KCNIP1: variants seen among roughly 807,000 people sequenced by gnomAD.
KCNIP1 encodes A-type potassium channel modulatory protein KCNIP1.
A neutral mutation model predicts 33.0 loss-of-function variants in KCNIP1; 18 were observed. That is an observed-to-expected ratio of 0.55 (90% confidence interval 0.38 to 0.81). The LOEUF is 0.81. Ranked by LOEUF, KCNIP1 falls within the 30% of genes least tolerant of loss-of-function variation. KCNIP1 has a pLI of 0.00. For missense variants in KCNIP1, 238 were observed against 271.6 expected (o/e 0.88, Z 0.87); for synonymous variants, 93 against 98.3 (o/e 0.95, Z 0.32).
intron 1 of KCNIP1, among the ~76,000 whole-genome samples, chr5:170,682,397 A>C (rs1198844645): frequency 6.6e-6 from 1 of 152,226 alleles, no homozygotes; most frequent in African/African-American, 2.4e-5. Context: ...TGCTTCAACC[A>C]GAACAGCTCC....
At chr5:170,504,015 G>C (rs1754596308), upstream of KCNIP1, 12 of 937,844 alleles carry the variant, frequency 1.3e-5, no homozygotes, top group South Asian at 4.4e-4. The surrounding 1 kb of genome is among the most constrained non-coding windows in gnomAD (Gnocchi z 6.0). Flanking sequence ...CCCCTCCGCC[G>C]CTCCGACTCT....
At chr5:170,724,062 T>C (rs1257180497) in intron 5 of KCNIP1, among the ~76,000 whole-genome samples, 1 of 152,148 alleles carries the variant, frequency 6.6e-6, no homozygotes, top group Non-Finnish European at 1.5e-5. Context: ...TAGATGAACA[T>C]GTTTTTTGAA....
chr5:170,593,710 G>T (rs1169042623), intron 1 of KCNIP1, among the ~76,000 whole-genome samples: 1 of 152,096 alleles, frequency 6.6e-6, no homozygotes. Flanking sequence ...CATCATCCCC[G>T]GCTGGGCAGG....
intron 1 of KCNIP1, among the ~76,000 whole-genome samples, chr5:170,497,399 T>C (rs1287315581): frequency 6.6e-6 from 1 of 152,162 alleles, no homozygotes; most frequent in African/African-American, 2.4e-5. Flanking sequence ...AGCTAAGGGA[T>C]GAATGGATAA....
At chr5:170,457,502 T>C (rs755690451) in intron 1 of KCNIP1, among the ~76,000 whole-genome samples, 13 of 152,188 alleles carry the variant, frequency 8.5e-5, no homozygotes, top group South Asian at 2.1e-4. Context: ...AACCCACAGA[T>C]GGTTTGCATC....
At chr5:170,627,409 C>G (rs1759874168) in intron 1 of KCNIP1, among the ~76,000 whole-genome samples, 1 of 152,262 alleles carries the variant, frequency 6.6e-6, no homozygotes, top group African/African-American at 2.4e-5. Flanking sequence ...TTGCCTGACC[C>G]CACACCTGCC....
intron 1 of KCNIP1, among the ~76,000 whole-genome samples, chr5:170,696,596 A>G (rs1170171800): frequency 2.6e-5 from 4 of 152,190 alleles, no homozygotes; most frequent in African/African-American, 7.2e-5. Flanking sequence ...GGCACCATGC[A>G]CATTGTAGTC....
Position 170,421,102 on chromosome 5 carries a change from G to A in KCNIP1, c.88+67138G>A, listed in dbSNP as rs149074953. 3.3e-3 allele frequency among the ~76,000 whole-genome samples: 504 copies of A among 152,248 alleles called. 2 individuals carry two copies. The highest frequency in any genetic ancestry group is 0.01 in the Middle Eastern group (3 of 294). On this transcript the variant is annotated intron_variant, in intron 1 of 7. Transcript: ENST00000377360. ...CAGTGGGCCTCAGGATCAGCTCCCCGGAAAGAGCTTGGGGTTGGAGGGGGT... is the reference window on the plus strand; with the variant it reads ...CAGTGGGCCTCAGGATCAGCTCCCCAGAAAGAGCTTGGGGTTGGAGGGGGT...
intron 1 of KCNIP1, among the ~76,000 whole-genome samples, chr5:170,658,091 T>TACTCAGACCAAAAACAA (rs1761339113): frequency 6.6e-6 from 1 of 152,042 alleles, no homozygotes; most frequent in Admixed American, 6.6e-5. Context: ...TATAAGCAAA[T>TACTCAGACCAAAAACAA]ACTCAGACCA....
intron 1 of KCNIP1, among the ~76,000 whole-genome samples, chr5:170,603,841 C>T (rs779146043): frequency 3.9e-5 from 6 of 152,180 alleles, no homozygotes; most frequent in Non-Finnish European, 7.3e-5. Context: ...GAAATTTAGT[C>T]TACAGATGAT....
chr5:170,621,129 CTT>C (rs1397380873), intron 1 of KCNIP1, among the ~76,000 whole-genome samples: 1 of 152,228 alleles, frequency 6.6e-6, no homozygotes, highest in Non-Finnish European at 1.5e-5. Context: ...AAGTCACACT[CTT>C]TTCTCTGAGC....
chr5:170,634,252 A>G (rs1308204939), intron 1 of KCNIP1, among the ~76,000 whole-genome samples: 1 of 152,112 alleles, frequency 6.6e-6, no homozygotes, highest in Non-Finnish European at 1.5e-5. Context: ...TGGCTGGGAG[A>G]TATCTAAGTG....
At chr5:170,512,407 C>G (rs1207084479) in intron 1 of KCNIP1, among the ~76,000 whole-genome samples, 1 of 152,174 alleles carries the variant, frequency 6.6e-6, no homozygotes, top group Non-Finnish European at 1.5e-5. Flanking sequence ...TCTCCTTAGC[C>G]ACATGTTGGC....
chr5:170,472,424 T>C (rs1486178038), intron 1 of KCNIP1, among the ~76,000 whole-genome samples: 2 of 152,116 alleles, frequency 1.3e-5, no homozygotes, highest in African/African-American at 4.8e-5. Flanking sequence ...ATAACTGACT[T>C]TTTAAAAAAT....
chr5:170,426,342 C>A (rs555742465), intron 1 of KCNIP1, among the ~76,000 whole-genome samples: 3 of 152,300 alleles, frequency 2.0e-5, no homozygotes, highest in Non-Finnish European at 2.9e-5. Context: ...CTGTTCCAGA[C>A]AAACCCTGTT....
chr5:170,440,641 C>G (rs1185781095), intron 1 of KCNIP1, among the ~76,000 whole-genome samples: 1 of 152,150 alleles, frequency 6.6e-6, no homozygotes, highest in Non-Finnish European at 1.5e-5. Context: ...GCGAGTATGA[C>G]ACAGGATCCC....
chr5:170,601,847 G>A (rs1456275427), intron 1 of KCNIP1, among the ~76,000 whole-genome samples: 4 of 152,168 alleles, frequency 2.6e-5, no homozygotes, highest in African/African-American at 9.7e-5. Context: ...GTCGAGCAGG[G>A]GCCTTTGAAG....
intron 1 of KCNIP1, among the ~76,000 whole-genome samples, chr5:170,604,376 G>C (rs1394723143): frequency 6.6e-6 from 1 of 152,182 alleles, no homozygotes; most frequent in Non-Finnish European, 1.5e-5. Context: ...GGGGACAGCG[G>C]TGTATGTTGG....
At chr5:170,657,049 G>A (rs1761301577) in intron 1 of KCNIP1, among the ~76,000 whole-genome samples, 1 of 138,724 alleles carries the variant, frequency 7.2e-6, no homozygotes, top group Admixed American at 7.5e-5. Context: ...AGGCTGGAGT[G>A]CAGTGGCATG....
Sources: allele counts gnomAD v4.1 joint callset (sites outside exome capture counted in the v4.1 genomes callset), GRCh38; gene constraint gnomAD v4.1.1; non-coding constraint Gnocchi (gnomAD v3.1); transcripts MANE v1.5; gene names NCBI Gene and HGNC (gene_info 2026-07-23, HGNC 2026-07-21).